Variants in IL1RAPL1 observed in about 807,000 individuals in gnomAD.
IL1RAPL1 encodes interleukin-1 receptor accessory protein-like 1.
A neutral mutation model predicts 48.4 loss-of-function variants in IL1RAPL1; 3 were observed. The observed-to-expected ratio is 0.06, with a 90% confidence interval of 0.03 to 0.16. The LOEUF (loss-of-function observed/expected upper bound fraction) is 0.16. Among genes scored for constraint, IL1RAPL1 ranks in the 10% least tolerant of loss-of-function variants. IL1RAPL1 has a pLI of 1.00. For synonymous variants in IL1RAPL1, 185 were observed against 187.7 expected (o/e 0.99, Z 0.12); for missense variants, 349 against 530.6 (o/e 0.66, Z 3.36).
chrX:29,543,115 TTCTCTCTCTCTCTC>T (rs59836290), intron 5 of IL1RAPL1, among the ~76,000 whole-genome samples: 3 of 91,682 alleles, frequency 3.3e-5, no homozygotes, highest in East Asian at 7.3e-4. Context: ...ATCTGTTCGT[TTCTCTCTCTCTCTC>T]TCTCTCTCTC....
intron 6 of IL1RAPL1, among the ~76,000 whole-genome samples, chrX:29,829,943 ATTCT>A (rs1388048316): frequency 8.9e-6 from 1 of 112,144 alleles, no homozygotes; most frequent in Admixed American, 9.5e-5. Context: ...TTAAAATATG[ATTCT>A]CTTTGTAGGC....
chrX:29,789,456 A>G (rs941069321), intron 6 of IL1RAPL1, among the ~76,000 whole-genome samples: 6 of 111,773 alleles, frequency 5.4e-5, no homozygotes, highest in Admixed American at 9.6e-5. Context: ...TGTCTATTAC[A>G]TGTGACTTCC....
intron 2 of IL1RAPL1, among the ~76,000 whole-genome samples, chrX:29,088,625 G>A (rs934226193): frequency 2.8e-4 from 25 of 90,548 alleles, no homozygotes; most frequent in African/African-American, 1.0e-3. Flanking sequence ...GCAGTGAGCC[G>A]ACATGCGCCA....
chrX:28,629,608 G>A (rs190941206), intron 1 of IL1RAPL1, among the ~76,000 whole-genome samples: 62 of 112,147 alleles, frequency 5.5e-4, no homozygotes, highest in African/African-American at 2.0e-3. Context: ...TAAATAGGTA[G>A]GATAGTGGAG....
intron 1 of IL1RAPL1, among the ~76,000 whole-genome samples, chrX:28,651,831 T>C (rs754619406): frequency 2.7e-5 from 3 of 111,682 alleles, no homozygotes; most frequent in Non-Finnish European, 5.6e-5. Flanking sequence ...GTAAGTACTT[T>C]AGCACGACAG....
intron 5 of IL1RAPL1, among the ~76,000 whole-genome samples, chrX:29,591,807 A>G (rs1923382159): frequency 8.9e-6 from 1 of 112,593 alleles, no homozygotes; most frequent in African/African-American, 3.2e-5. Context: ...ACAGAGCTAG[A>G]TGGATTCTTA....
At chrX:29,214,403 A>G (rs548025789) in intron 2 of IL1RAPL1, among the ~76,000 whole-genome samples, 7 of 111,453 alleles carry the variant, frequency 6.3e-5, no homozygotes, top group South Asian at 3.8e-4. Context: ...ATATTCCAGG[A>G]AAAAAAATAA....
intron 1 of IL1RAPL1, among the ~76,000 whole-genome samples, chrX:28,730,087 T>C (rs1376655174): frequency 1.8e-5 from 2 of 112,387 alleles, no homozygotes; most frequent in Non-Finnish European, 3.7e-5. Flanking sequence ...TTTATAATTA[T>C]TATGACACTT....
chrX:29,947,641 T>A, intron 9 of IL1RAPL1, among the ~76,000 whole-genome samples: 1 of 111,258 alleles, frequency 9.0e-6, no homozygotes, highest in Non-Finnish European at 1.9e-5. Context: ...TCTCTTTCAA[T>A]GACAAGGTCA....
In IL1RAPL1 at chrX:29,180,230, TGAG is replaced by T. The variant is rs1231625385; in HGVS notation, c.83-102705_83-102703del. ...GAGAACTACTGTCAAAAAAAAAAAT[TGAG>T]GAACAATGTTTTATATAAAGCACCT... is the stretch of plus-strand genomic sequence containing the variant. On this transcript the variant is annotated intron_variant, in intron 2 of 10. Transcript: ENST00000378993. Among the ~76,000 whole-genome samples the T allele has an allele frequency of 6.4e-5, 7 of 110,117 alleles. No homozygotes were observed. In the East Asian group the frequency reaches 2.0e-3, roughly 31 times the overall value.
At chrX:28,937,543 A>AT (rs1924049109) in intron 2 of IL1RAPL1, among the ~76,000 whole-genome samples, 1 of 111,470 alleles carries the variant, frequency 9.0e-6, no homozygotes, top group African/African-American at 3.3e-5. Flanking sequence ...CATTGCCATA[A>AT]TTTTTACAAT....
chrX:29,492,298 CA>C (rs1448754515), intron 5 of IL1RAPL1, among the ~76,000 whole-genome samples: 1 of 111,937 alleles, frequency 8.9e-6, no homozygotes, highest in Non-Finnish European at 1.9e-5. Flanking sequence ...TAGCCTTTTG[CA>C]AAAAGTATAA....
In IL1RAPL1 at chrX:29,538,590, G is replaced by A. The variant is rs1369460309; in HGVS notation, c.704-129840G>A. On this transcript the variant is annotated intron_variant, in intron 5 of 10. Coordinates refer to ENST00000378993, the MANE Select transcript of IL1RAPL1 (RefSeq NM_014271.4). ...TGACCTCAGGTGATACACCCACCTC[G>A]GCCTCCCAAAGTGCTAGGATTATAG... Among the ~76,000 whole-genome samples, 6 of 107,834 alleles carry A rather than the reference G, an allele frequency of 5.6e-5. No homozygotes were observed. In the Admixed American group the frequency reaches 6.0e-4, roughly 11 times the overall value. 93.6% of individuals were successfully genotyped at this position (107,834 alleles called of 115,157 possible). A position where few individuals can be genotyped will look rare whatever the true frequency, so the allele number is the denominator to read the frequency against.
chrX:28,632,920 A>G (rs1208541973), intron 1 of IL1RAPL1, among the ~76,000 whole-genome samples: 1 of 82,314 alleles, frequency 1.2e-5, no homozygotes, highest in African/African-American at 5.0e-5. Context: ...ACGGAGTCTC[A>G]CTCTGTCAAC....
At chrX:29,244,228 C>T (rs752998137) in intron 2 of IL1RAPL1, among the ~76,000 whole-genome samples, 1 of 111,931 alleles carries the variant, frequency 8.9e-6, no homozygotes, top group Non-Finnish European at 1.9e-5. Context: ...AGTGACTTTG[C>T]GCTGAAATAT....
chrX:28,698,764 A>AAAATAAGTT (rs1427304623), intron 1 of IL1RAPL1, among the ~76,000 whole-genome samples: 2 of 111,747 alleles, frequency 1.8e-5, no homozygotes, highest in African/African-American at 6.5e-5. Flanking sequence ...ACAACATACA[A>AAAATAAGTT]AAATAAGTTG....
intron 5 of IL1RAPL1, among the ~76,000 whole-genome samples, chrX:29,457,192 T>A (rs1311801089): frequency 9.1e-5 from 10 of 109,540 alleles, no homozygotes; most frequent in Non-Finnish European, 1.5e-4. Context: ...CTATTCTTTT[T>A]TTTTTTTTTG....
rs1308725001 is a variant in IL1RAPL1 at position 29,562,107 on chromosome X, ATCTATCTAATCTATCTATCT to A, written c.704-106322_704-106303del. ...AATCTATCTGTCTATCTATCTATCT[ATCTATCTAATCTATCTATCT>A]ATCTATCTATCTATCTATCTATCTA... On this transcript the variant is annotated intron_variant, in intron 5 of 10. Coordinates refer to ENST00000378993, the MANE Select transcript of IL1RAPL1 (RefSeq NM_014271.4). Among the ~76,000 whole-genome samples the A allele has an allele frequency of 7.2e-3, 569 of 79,563 alleles. 2 individuals carry two copies. Among genetic ancestry groups the A allele is most frequent in the East Asian group, 0.034 (94 of 2,769 alleles). The allele number at this position is 79,563 out of a possible 115,157, so 69.1% of individuals were successfully genotyped here.
intron 5 of IL1RAPL1, among the ~76,000 whole-genome samples, chrX:29,528,442 G>A (rs1227329303): frequency 8.9e-6 from 1 of 112,367 alleles, no homozygotes; most frequent in Non-Finnish European, 1.9e-5. Flanking sequence ...TAAGAAACTG[G>A]GCATCACTTT....
Sources: gnomAD v4.1 joint callset for allele counts (sites outside exome capture counted in the v4.1 genomes callset) on GRCh38, gnomAD v4.1.1 for gene constraint, MANE v1.5 for transcripts, NCBI Gene and HGNC (gene_info 2026-07-23, HGNC 2026-07-21) for gene names.